Variants in CA4 observed in about 807,000 individuals in gnomAD.
CA4 encodes CA-IV.
In CA4, 24 loss-of-function variants were observed where a neutral mutation model predicts 34.5. The observed-to-expected ratio is 0.70, with a 90% CI of 0.50 to 0.98. The LOEUF is 0.98. Among genes scored for constraint, CA4 ranks in the 50% least tolerant of loss-of-function variants. CA4 has a pLI of 0.00. For synonymous variants in CA4, 178 were observed against 170.6 expected, an observed-to-expected ratio of 1.04 and a Z score of -0.34; for missense variants, 394 against 396.7, an observed-to-expected ratio of 0.99 and a Z score of 0.06.
intron 5 of CA4, among the ~76,000 whole-genome samples, chr17:60,168,212 G>A (rs976773506): frequency 7.2e-6 from 1 of 139,372 alleles, no homozygotes; most frequent in Non-Finnish European, 1.6e-5. Context: ...TATTTTTTGG[G>A]GGGGCGTGGG....
downstream of CA4, among the ~76,000 whole-genome samples, chr17:60,161,173 T>C (rs1199576834): frequency 6.6e-6 from 1 of 151,572 alleles, no homozygotes; most frequent in African/African-American, 2.4e-5. Flanking sequence ...ACATCTCTAA[T>C]GGGTTGTTTT....
chr17:60,174,505 A>G (rs2083939917), downstream of CA4, among the ~76,000 whole-genome samples: 1 of 151,510 alleles, frequency 6.6e-6, no homozygotes, highest in Non-Finnish European at 1.5e-5. Context: ...AGAACACACT[A>G]GAGTCCCCAT....
At chr17:60,151,409 G>A (rs965715519) in intron 1 of CA4, 1 of 152,246 alleles carries the variant, frequency 6.6e-6, no homozygotes, top group East Asian at 1.9e-4. Flanking sequence ...AGAAGAAAGA[G>A]AAAAAGCAGA....
intron 1 of CA4, 83 bp from the exon 2 acceptor site, chr17:60,155,231 G>A (rs1004310886): frequency 1.9e-5 from 26 of 1,337,754 alleles, no homozygotes; most frequent in Non-Finnish European, 2.6e-5. Context: ...AACCCCAGGG[G>A]TAGGCCCAGC....
intron 5 of CA4, 97 bp downstream of exon 5, chr17:60,157,885 G>C: frequency 4.7e-6 from 7 of 1,504,028 alleles, no homozygotes; most frequent in Non-Finnish European, 6.4e-6. Flanking sequence ...GGAGGGGGCG[G>C]GGAGACTCCA....
At position 60,156,744 on chromosome 17, in the gene CA4, C is replaced by T. The variant is rs972770758; in HGVS notation, c.268+29C>T. 1.2e-6 allele frequency: 2 copies of T among 1,608,796 alleles called. 1 individual carries two copies. The highest frequency in any genetic ancestry group is 3.3e-5 in the Admixed American group (2 of 60,006). On this transcript the variant is annotated intron_variant, in intron 3 of 7. Transcript: ENST00000300900. ...GGCTGGATGGAGGCCCCAGGCAGGC[C>T]TGGGCACCCGAGTTCCCCAAGGACT...
At chr17:60,172,852 A>T (rs2083923157), downstream of CA4, among the ~76,000 whole-genome samples, 1 of 148,574 alleles carries the variant, frequency 6.7e-6, no homozygotes, top group Non-Finnish European at 1.5e-5. Context: ...CTCAAAAAAA[A>T]ACTAAAATAG....
At chr17:60,155,498 TACACACACAC>T (rs3830362) in intron 2 of CA4, 131 bp downstream of exon 2, 25 of 570,540 alleles carry the variant, frequency 4.4e-5, no homozygotes, top group South Asian at 3.4e-4. Context: ...GTTCCCAGCA[TACACACACAC>T]ACACACACAC....
intron 1 of CA4, among the ~76,000 whole-genome samples, chr17:60,154,767 C>T (rs946241225): frequency 7.9e-5 from 12 of 152,158 alleles, no homozygotes; most frequent in South Asian, 2.1e-4. Context: ...TTCCTCCTAG[C>T]GGGAGCTGTG....
intron 5 of CA4, among the ~76,000 whole-genome samples, chr17:60,168,641 TG>T (rs1421576792): frequency 6.7e-6 from 1 of 148,476 alleles, no homozygotes; most frequent in Non-Finnish European, 1.5e-5. Flanking sequence ...CTTCGTGGAG[TG>T]TGAAGGGAGC....
At chr17:60,165,793 G>T (rs2083850161) in intron 5 of CA4, among the ~76,000 whole-genome samples, 1 of 151,030 alleles carries the variant, frequency 6.6e-6, no homozygotes, top group Admixed American at 6.6e-5. Flanking sequence ...AATACAGGCT[G>T]CCCAGTTACA....
intron 5 of CA4, among the ~76,000 whole-genome samples, chr17:60,167,675 T>A (rs893441825): frequency 1.3e-5 from 2 of 152,376 alleles, no homozygotes; most frequent in African/African-American, 4.8e-5. Flanking sequence ...CTTCAGGGGC[T>A]GACACAGTCA....
At chr17:60,161,003 G>C (rs562148737), downstream of CA4, among the ~76,000 whole-genome samples, 6 of 152,028 alleles carry the variant, frequency 3.9e-5, no homozygotes, top group African/African-American at 1.4e-4. Flanking sequence ...TAGAGGTGAA[G>C]GCAGAACGCA....
At chr17:60,157,010 C>A in intron 3 of CA4, 2 of 534,154 alleles carry the variant, frequency 3.7e-6, no homozygotes, top group Non-Finnish European at 6.8e-6. Flanking sequence ...GCCAGGAGCT[C>A]TGTGTGGAGG....
chr17:60,166,189 A>G (rs1212057711), intron 5 of CA4, among the ~76,000 whole-genome samples: 1 of 152,162 alleles, frequency 6.6e-6, no homozygotes, highest in African/African-American at 2.4e-5. Context: ...AGGGCATTGG[A>G]GGCCCATCTG....
At position 60,159,476 on chromosome 17, in the gene CA4, G is replaced by T; in HGVS notation, c.*52G>T. 1 of 1,581,638 alleles carries T rather than the reference G, an allele frequency of 6.3e-7. No individual in the cohort carries two copies. On this transcript the variant is annotated 3_prime_UTR_variant, in exon 8 of 8. Coordinates refer to ENST00000300900, the MANE Select transcript of CA4 (RefSeq NM_000717.5). ...TGTTGCCTCAGCTCTCCAAGTTCCA[G>T]GCTTCCGGTCCTTAGCCTTCCCAGG...
At chr17:60,176,311 C>A in the CA4 span, among the ~76,000 whole-genome samples, 1 of 152,060 alleles carries the variant, frequency 6.6e-6, no homozygotes, top group African/African-American at 2.4e-5. Context: ...GCATTTGTGT[C>A]CTTCATTTAA....
intron 5 of CA4, among the ~76,000 whole-genome samples, chr17:60,165,733 CT>C (rs576642713): frequency 1.2e-3 from 184 of 152,264 alleles, no homozygotes; most frequent in Non-Finnish European, 1.5e-3. Flanking sequence ...GTGCCTGCCC[CT>C]GTCCCCACCC....
intron 1 of CA4, among the ~76,000 whole-genome samples, chr17:60,150,969 G>A (rs1010873351): frequency 1.3e-5 from 2 of 152,238 alleles, no homozygotes; most frequent in African/African-American, 4.8e-5. Context: ...AGGCCTCTGC[G>A]GAGCCGGTCT....
Sources: allele counts gnomAD v4.1 joint callset (sites outside exome capture counted in the v4.1 genomes callset), GRCh38; gene constraint gnomAD v4.1.1; transcripts MANE v1.5; gene names NCBI Gene and HGNC (gene_info 2026-07-23, HGNC 2026-07-21).